The following SLIT2 variants were observed in gnomAD, a reference collection of about 807,000 sequenced individuals.
SLIT2 encodes the protein slit guidance ligand 2, also known as slit homolog 2 protein.
A neutral mutation model predicts 185.7 loss-of-function variants in SLIT2; 41 were observed. That is an observed-to-expected ratio of 0.22 (90% CI 0.17 to 0.29). The LOEUF is 0.29. Among genes scored for constraint, SLIT2 ranks in the 10% least tolerant of loss-of-function variants. The pLI, the probability that SLIT2 is intolerant of heterozygous loss-of-function variation, is 1.00. For synonymous variants in SLIT2, 693 were observed against 680.2 expected (o/e 1.02, Z -0.29); for missense variants, 1,571 against 1,909.0 (o/e 0.82, Z 3.30).
In SLIT2 at chr4:20,486,217, A is replaced by G. The variant is rs746627093; in HGVS notation, c.557A>G (p.Asn186Ser). The G allele has an allele frequency of 1.9e-6, 3 of 1,603,276 alleles. No homozygotes were observed. The South Asian group carries it at 3.3e-5, about 18-fold the overall frequency. ...DLEVLTLNNN[N>S]ITRLSVASFN... The stretch of plus-strand genomic sequence containing the variant: ...TTCTACAGCACTCTCAACAATAACA[A>G]CATTACTAGACTTTCTGTGGCAAGT... The change falls in exon 7 of 37, where the codon AAC becomes AGC. Residue 186 changes from asparagine to serine, a missense_variant. Physicochemically the swap from Asn to Ser is conservative, Grantham distance 46 (BLOSUM62 1). This residue lies in a region of SLIT2 where 1,202 missense variants were observed against 1,416.4 expected (regional missense o/e 0.85). Transcript: ENST00000504154.
intron 11 of SLIT2, among the ~76,000 whole-genome samples, chr4:20,511,594 T>TTTTTTTTTTTTTA (rs1173070448): frequency 1.7e-5 from 2 of 115,472 alleles, no homozygotes; most frequent in African/African-American, 5.8e-5. Flanking sequence ...CTAATTTTTT[T>TTTTTTTTTTTTTA]TTTTTTTTTA....
At chr4:20,500,048 G>C (rs776949909) in intron 9 of SLIT2, among the ~76,000 whole-genome samples, 42 of 152,064 alleles carry the variant, frequency 2.8e-4, no homozygotes, top group Non-Finnish European at 5.7e-4. Context: ...GGATGAACTT[G>C]ACTACTATTC....
intron 5 of SLIT2, among the ~76,000 whole-genome samples, chr4:20,478,700 C>T (rs4456952): frequency 0.043 from 6,504 of 152,220 alleles, 269 homozygotes; most frequent in East Asian, 0.15. Flanking sequence ...AAGATTTTGC[C>T]GATTTGTCTG....
At chr4:20,334,452 T>C (rs1168259765) in intron 4 of SLIT2, among the ~76,000 whole-genome samples, 1 of 152,124 alleles carries the variant, frequency 6.6e-6, no homozygotes, top group Non-Finnish European at 1.5e-5. Flanking sequence ...CTTTAAAAGG[T>C]TGCCAATAAA....
At chr4:20,311,584 A>G (rs550968435) in intron 4 of SLIT2, among the ~76,000 whole-genome samples, 94 of 152,276 alleles carry the variant, frequency 6.2e-4, no homozygotes, top group African/African-American at 2.1e-3. Context: ...GGAAGTGAAT[A>G]GTACTACTTT....
intron 4 of SLIT2, among the ~76,000 whole-genome samples, chr4:20,387,068 C>G (rs113183474): frequency 2.0e-5 from 3 of 152,088 alleles, no homozygotes; most frequent in Admixed American, 6.6e-5. Context: ...ATTACCTGAC[C>G]GCCTTCTGGT....
chr4:20,548,952 T>C, intron 23 of SLIT2, 105 bp from the exon 24 acceptor site: 2 of 682,296 alleles, frequency 2.9e-6, no homozygotes, highest in East Asian at 2.7e-5. Flanking sequence ...GTTAACACTA[T>C]CAGTTAATAA....
chr4:20,378,297 A>G (rs73108610), intron 4 of SLIT2, among the ~76,000 whole-genome samples: 3 of 152,296 alleles, frequency 2.0e-5, no homozygotes, highest in African/African-American at 7.2e-5. Flanking sequence ...AGGAGTGAAG[A>G]AATCTATCTG....
intron 4 of SLIT2, among the ~76,000 whole-genome samples, chr4:20,282,806 T>C (rs1714900846): frequency 6.6e-6 from 1 of 152,258 alleles, no homozygotes; most frequent in Admixed American, 6.5e-5. Flanking sequence ...AACCAGTTTT[T>C]AGCTTTTCCA....
At position 20,617,531 on chromosome 4, in the gene SLIT2, A is replaced by C; in HGVS notation, c.4229A>C (p.Glu1410Ala). The C allele has an allele frequency of 1.2e-6, 2 of 1,613,968 alleles. No individual in the cohort carries two copies. Among genetic ancestry groups the C allele is most frequent in the Non-Finnish European group, 1.7e-6 (2 of 1,179,970 alleles). Residue 1410 changes from glutamate to alanine, a missense_variant, in exon 36 of 37, where the codon GAG (glutamate) becomes GCG (alanine). Around this residue, in one of 3 missense-constraint regions of SLIT2, gnomAD observed 223 missense variants for 245.2 expected, o/e 0.91. Transcript: ENST00000504154. ...GGAGGTGTCCTCTGTGATGAAGAGG[A>C]GGATCTGTTTAACCCATGCCAGGCG... ...GHGGVLCDEE[E>A]DLFNPCQAIK...
chr4:20,523,577 CTTTTG>C (rs1721023308), intron 12 of SLIT2, among the ~76,000 whole-genome samples, 178 bp from the exon 13 acceptor site: 1 of 152,120 alleles, frequency 6.6e-6, no homozygotes, highest in Non-Finnish European at 1.5e-5. Flanking sequence ...GATCACATGA[CTTTTG>C]TTATGTGGTA....
chr4:20,535,457 G>C (rs911684090), intron 18 of SLIT2, among the ~76,000 whole-genome samples: 1 of 151,936 alleles, frequency 6.6e-6, no homozygotes, highest in East Asian at 1.9e-4. Context: ...CAGTTAAAAG[G>C]CTTTCTTGAT....
intron 5 of SLIT2, 32 bp downstream of exon 5, chr4:20,467,855 T>G: frequency 1.8e-6 from 2 of 1,085,194 alleles, no homozygotes; most frequent in Non-Finnish European, 1.4e-6. Flanking sequence ...TATAGTGTTT[T>G]AAGTCATTAT....
intron 4 of SLIT2, among the ~76,000 whole-genome samples, chr4:20,315,892 A>G (rs760869196): frequency 2.0e-5 from 3 of 152,050 alleles, no homozygotes; most frequent in Non-Finnish European, 4.4e-5. Flanking sequence ...TACTTATTAC[A>G]TATTAATTCA....
At chr4:20,526,199 A>G (rs1721278510) in intron 15 of SLIT2, among the ~76,000 whole-genome samples, 2 of 152,142 alleles carry the variant, frequency 1.3e-5, no homozygotes, top group South Asian at 4.1e-4. Flanking sequence ...TCTCTATTTT[A>G]AGGAGATATT....
chr4:20,492,438 C>T (rs1717864476), intron 9 of SLIT2, among the ~76,000 whole-genome samples: 1 of 152,212 alleles, frequency 6.6e-6, no homozygotes, highest in African/African-American at 2.4e-5. Context: ...TGTCTACCTC[C>T]ATTAAAAGTT....
intron 4 of SLIT2, among the ~76,000 whole-genome samples, chr4:20,316,003 G>A (rs1577417735): frequency 6.6e-6 from 1 of 152,018 alleles, no homozygotes; most frequent in South Asian, 2.1e-4. Context: ...GTGATAGTGA[G>A]CCAGGCAGGG....
At chr4:20,404,969 G>A (rs1480953993) in intron 4 of SLIT2, among the ~76,000 whole-genome samples, 2 of 151,732 alleles carry the variant, frequency 1.3e-5, no homozygotes, top group African/African-American at 4.8e-5. Flanking sequence ...ACATTTTTAT[G>A]AACCTCTGTA....
chr4:20,519,299 G>A (rs780348450), intron 11 of SLIT2, 83 bp from the exon 12 acceptor site: 18 of 729,230 alleles, frequency 2.5e-5, no homozygotes, highest in Middle Eastern at 3.4e-4. Context: ...CTAGCTTCCT[G>A]TATGCCTGAG....
Sources: allele counts gnomAD v4.1 joint callset (sites outside exome capture counted in the v4.1 genomes callset), GRCh38; gene constraint gnomAD v4.1.1; regional missense constraint gnomAD v4.1.1; transcripts MANE v1.5; gene names NCBI Gene and HGNC (gene_info 2026-07-23, HGNC 2026-07-21).